Variants in LRP1B observed in about 807,000 individuals in gnomAD.
LRP1B encodes the protein LDL receptor related protein 1B.
A neutral mutation model predicts 556.6 loss-of-function variants in LRP1B; 217 were observed. The observed-to-expected ratio is 0.39, with a 90% confidence interval of 0.35 to 0.44. The LOEUF (loss-of-function observed/expected upper bound fraction) is 0.44. LRP1B is among the 20% of genes least tolerant of loss of function. The pLI, the probability that LRP1B is intolerant of heterozygous loss-of-function variation, is 1.00. For synonymous variants in LRP1B, 2,047 were observed against 1,865.8 expected (o/e 1.10, Z -2.50); for missense variants, 5,053 against 5,620.8 (o/e 0.90, Z 3.23).
At chr2:140,927,088 C>T (rs921453494) in intron 20 of LRP1B, among the ~76,000 whole-genome samples, 5 of 152,156 alleles carry the variant, frequency 3.3e-5, no homozygotes, top group Non-Finnish European at 5.9e-5. Context: ...GGCAGATCAC[C>T]TGAAGTCAGA....
At chr2:140,981,843 C>A (rs1324415621) in intron 18 of LRP1B, among the ~76,000 whole-genome samples, 1 of 152,126 alleles carries the variant, frequency 6.6e-6, no homozygotes, top group African/African-American at 2.4e-5. Context: ...AGTTTAATCA[C>A]TACAGACCTA....
At chr2:141,734,101 TA>T (rs950477229) in intron 2 of LRP1B, among the ~76,000 whole-genome samples, 6 of 151,954 alleles carry the variant, frequency 3.9e-5, no homozygotes, top group East Asian at 3.9e-4. Context: ...ATCTTGAAAT[TA>T]AAAAAAATTA....
At chr2:142,063,817 T>C (rs1235725870) in intron 1 of LRP1B, among the ~76,000 whole-genome samples, 1 of 151,622 alleles carries the variant, frequency 6.6e-6, no homozygotes, top group Non-Finnish European at 1.5e-5. Flanking sequence ...GAAATCGTCA[T>C]ACGAAAGTAA....
chr2:140,630,801 G>T (rs909001024), intron 41 of LRP1B, among the ~76,000 whole-genome samples: 3 of 152,084 alleles, frequency 2.0e-5, no homozygotes, highest in Non-Finnish European at 2.9e-5. Flanking sequence ...GCTGGAGAAG[G>T]GCAATTACCC....
rs7604481 is a variant in LRP1B at position 141,576,867 on chromosome 2, A to T, written c.206-96334T>A. 8.1e-3 allele frequency among the ~76,000 whole-genome samples: 1,188 copies of T among 146,712 alleles called. 11 individuals are homozygous for T. The highest frequency in any genetic ancestry group is 0.027 in the African/African-American group (1,063 of 39,534). Reference sequence around the variant, plus strand: ...GAGATGGAGTCTTGCTGTTTTGCCCAGGTTGTTTTCGAACTCCTGACCTCA... The same window carrying T: ...GAGATGGAGTCTTGCTGTTTTGCCCTGGTTGTTTTCGAACTCCTGACCTCA... On this transcript the variant is annotated intron_variant, in intron 2 of 90. Coordinates refer to ENST00000389484, the MANE Select transcript of LRP1B (RefSeq NM_018557.3).
intron 25 of LRP1B, 137 bp downstream of exon 25, chr2:140,883,680 G>GCC: frequency 1.0e-5 from 2 of 193,552 alleles, no homozygotes; most frequent in South Asian, 3.3e-5. Context: ...CCACCTCCCC[G>GCC]CCCCCGCCAC....
intron 2 of LRP1B, among the ~76,000 whole-genome samples, chr2:141,797,676 G>T (rs564851943): frequency 6.6e-6 from 1 of 152,160 alleles, no homozygotes; most frequent in African/African-American, 2.4e-5. Flanking sequence ...TAGCTATAAG[G>T]TTTACAGCTA....
intron 40 of LRP1B, 138 bp from the exon 41 acceptor site, chr2:140,700,759 A>C (rs1686608887): frequency 1.1e-6 from 1 of 880,854 alleles, no homozygotes; most frequent in Admixed American, 2.8e-5. Flanking sequence ...CTGGTCAATA[A>C]AAAATTAAAA....
At chr2:141,852,043 C>T (rs1402618478) in intron 1 of LRP1B, among the ~76,000 whole-genome samples, 1 of 151,646 alleles carries the variant, frequency 6.6e-6, no homozygotes, top group Non-Finnish European at 1.5e-5. Context: ...TGGGATGTCC[C>T]CCAAATCCTA....
intron 1 of LRP1B, among the ~76,000 whole-genome samples, chr2:141,854,226 A>G (rs1005468503): frequency 1.3e-5 from 2 of 152,014 alleles, no homozygotes; most frequent in Middle Eastern, 3.2e-3. Flanking sequence ...AAGCATGAGC[A>G]AGTTCCCACT....
chr2:141,160,619 G>A (rs1385586975), intron 7 of LRP1B, among the ~76,000 whole-genome samples: 2 of 151,864 alleles, frequency 1.3e-5, no homozygotes, highest in Non-Finnish European at 1.5e-5. Flanking sequence ...TGGATCTCAC[G>A]GGCCTTATGC....
At chr2:140,510,136 AG>A in intron 51 of LRP1B, 80 bp from the exon 52 acceptor site, 3 of 1,479,820 alleles carry the variant, frequency 2.0e-6, no homozygotes, top group Non-Finnish European at 2.8e-6. Context: ...TTCTACAGTA[AG>A]GGGGGAAGCA....
At chr2:140,778,583 G>A (rs1689580475) in intron 32 of LRP1B, among the ~76,000 whole-genome samples, 1 of 152,080 alleles carries the variant, frequency 6.6e-6, no homozygotes, top group Admixed American at 6.6e-5. Flanking sequence ...AACACAAGCT[G>A]AGCCAAAATC....
At chr2:140,275,577 G>A (rs549338675) in intron 84 of LRP1B, among the ~76,000 whole-genome samples, 1 of 152,048 alleles carries the variant, frequency 6.6e-6, no homozygotes, top group African/African-American at 2.4e-5. Context: ...ACAAACCCAG[G>A]TATTTTCTGC....
intron 77 of LRP1B, among the ~76,000 whole-genome samples, chr2:140,337,482 C>A (rs967096831): frequency 1.3e-5 from 2 of 151,754 alleles, no homozygotes; most frequent in Admixed American, 6.6e-5. Context: ...ATCATTTAAG[C>A]TAACCGTATT....
At position 140,554,107 on chromosome 2, in the gene LRP1B, T is replaced by C. The variant is rs541574100; in HGVS notation, c.7195-12136A>G. On this transcript the variant is annotated intron_variant, in intron 43 of 90. Transcript: ENST00000389484. ...TTTTTCATTTTTCTTTGGATAACTC[T>C]TTCTGATTCTTAGGACTCAGTCTCC... is the stretch of plus-strand genomic sequence containing the variant. 2.6e-5 allele frequency among the ~76,000 whole-genome samples: 4 copies of C among 152,172 alleles called. No individual in the cohort carries two copies. In the East Asian group the frequency reaches 5.8e-4, roughly 22 times the overall value.
chr2:141,403,807 GGCTTT>G (rs1690530840), intron 3 of LRP1B, among the ~76,000 whole-genome samples: 2 of 152,066 alleles, frequency 1.3e-5, no homozygotes, highest in Admixed American at 6.6e-5. Flanking sequence ...TTTTTAGTGT[GGCTTT>G]GTATTATCTC....
At chr2:142,052,046 G>A (rs1225425185) in intron 1 of LRP1B, among the ~76,000 whole-genome samples, 2 of 152,062 alleles carry the variant, frequency 1.3e-5, no homozygotes, top group East Asian at 1.9e-4. Flanking sequence ...CTTAGTTTAT[G>A]TGAGTAATCC....
At chr2:140,762,383 A>T (rs191439264) in intron 35 of LRP1B, among the ~76,000 whole-genome samples, 1 of 152,242 alleles carries the variant, frequency 6.6e-6, no homozygotes, top group East Asian at 1.9e-4. Context: ...TCCTCAAAAG[A>T]TTCTTTTGAT....
Sources: allele counts gnomAD v4.1 joint callset (sites outside exome capture counted in the v4.1 genomes callset), GRCh38; gene constraint gnomAD v4.1.1; transcripts MANE v1.5; gene names NCBI Gene and HGNC (gene_info 2026-07-23, HGNC 2026-07-21).